SNTG1: variants seen among roughly 807,000 people sequenced by gnomAD.
The protein encoded by SNTG1 is gamma-1-syntrophin.
In SNTG1, 39 loss-of-function variants were observed where a neutral mutation model predicts 74.7. The ratio of observed to expected loss-of-function variants is 0.52; its 90% CI spans 0.40 to 0.68. The LOEUF (loss-of-function observed/expected upper bound fraction) is 0.68. SNTG1 is among the 30% of genes least tolerant of loss of function. The pLI, the probability that SNTG1 is intolerant of heterozygous loss-of-function variation, is 0.00. For synonymous variants in SNTG1, 254 were observed against 217.1 expected (o/e 1.17, Z -1.49); for missense variants, 685 against 609.5 (o/e 1.12, Z -1.30).
At chr8:50,612,911 T>C (rs1202001842) in intron 13 of SNTG1, among the ~76,000 whole-genome samples, 1 of 152,116 alleles carries the variant, frequency 6.6e-6, no homozygotes, top group Non-Finnish European at 1.5e-5. Flanking sequence ...AGCAATAATT[T>C]AGTTGCAGAG....
chr8:50,703,699 A>G (rs1056100391), intron 15 of SNTG1, among the ~76,000 whole-genome samples: 1 of 152,164 alleles, frequency 6.6e-6, no homozygotes, highest in Non-Finnish European at 1.5e-5. Flanking sequence ...CTAGACTTAC[A>G]CAGCTGTCAG....
chr8:50,681,795 C>T (rs1399226084), intron 15 of SNTG1, among the ~76,000 whole-genome samples: 1 of 152,190 alleles, frequency 6.6e-6, no homozygotes, highest in Non-Finnish European at 1.5e-5. Flanking sequence ...TCAGAGCTCT[C>T]CCTTGCATTT....
intron 1 of SNTG1, among the ~76,000 whole-genome samples, chr8:49,974,343 T>C (rs1342653118): frequency 6.6e-6 from 1 of 152,222 alleles, no homozygotes; most frequent in Non-Finnish European, 1.5e-5. Context: ...CTTCATATAT[T>C]TTATTTGCTT....
chr8:50,471,681 A>G (rs1449435266), intron 8 of SNTG1, among the ~76,000 whole-genome samples: 3 of 152,242 alleles, frequency 2.0e-5, no homozygotes, highest in Non-Finnish European at 4.4e-5. Flanking sequence ...TAGCAGGTTT[A>G]TTCATAACCA....
chr8:50,581,675 C>G (rs1394681650), intron 12 of SNTG1, among the ~76,000 whole-genome samples: 2 of 152,012 alleles, frequency 1.3e-5, no homozygotes, highest in Admixed American at 6.6e-5. Context: ...ATTTGGGATG[C>G]CACAGTGTAT....
intron 12 of SNTG1, among the ~76,000 whole-genome samples, chr8:50,558,762 T>C (rs1168231468): frequency 6.6e-6 from 1 of 152,100 alleles, no homozygotes; most frequent in Non-Finnish European, 1.5e-5. Context: ...CTATTATACC[T>C]TGGAAATATT....
intron 15 of SNTG1, among the ~76,000 whole-genome samples, chr8:50,666,995 T>C (rs2095253863): frequency 6.6e-6 from 1 of 151,946 alleles, no homozygotes; most frequent in African/African-American, 2.4e-5. Flanking sequence ...GCTTGCATTT[T>C]AATAGAAAAG....
intron 2 of SNTG1, among the ~76,000 whole-genome samples, chr8:50,271,180 T>C (rs1300269376): frequency 2.6e-5 from 4 of 152,178 alleles, no homozygotes; most frequent in Admixed American, 1.3e-4. Flanking sequence ...ATGGAAAGTG[T>C]TATTAAAAAT....
chr8:50,682,388 GAGCAGGTGACCAGAGGTGACTCAGGTCAA>G (rs1418717131), intron 15 of SNTG1, among the ~76,000 whole-genome samples: 14 of 152,042 alleles, frequency 9.2e-5, no homozygotes, highest in Admixed American at 2.6e-4. Flanking sequence ...ATTCAGGTCA[GAGCAGGTGACCAGAGGTGACTCAGGTCAA>G]AGCAGGTGAC....
At chr8:50,014,600 A>T (rs1057445689) in intron 1 of SNTG1, among the ~76,000 whole-genome samples, 6 of 152,182 alleles carry the variant, frequency 3.9e-5, no homozygotes, top group African/African-American at 1.4e-4. Flanking sequence ...AGTGAAGGCT[A>T]GTCTGTCTTG....
At chr8:50,660,257 GGAA>G (rs1303361092) in intron 15 of SNTG1, among the ~76,000 whole-genome samples, 2 of 141,874 alleles carry the variant, frequency 1.4e-5, no homozygotes, top group East Asian at 4.0e-4. Flanking sequence ...AAAGAAGGAG[GGAA>G]GGAGAGAGAG....
chr8:50,366,754 A>G (rs1174589274), intron 2 of SNTG1, among the ~76,000 whole-genome samples: 1 of 146,526 alleles, frequency 6.8e-6, no homozygotes, highest in Non-Finnish European at 1.5e-5. Context: ...TATTTTATAT[A>G]TAATATAGTA....
intron 1 of SNTG1, among the ~76,000 whole-genome samples, chr8:49,969,394 T>A (rs1193559288): frequency 5.0e-4 from 63 of 126,282 alleles, no homozygotes; most frequent in Middle Eastern, 3.8e-3. Context: ...AATCTTTTTT[T>A]TTTTTTTTTT....
At chr8:50,095,832 T>C (rs951124610) in intron 1 of SNTG1, among the ~76,000 whole-genome samples, 3 of 152,234 alleles carry the variant, frequency 2.0e-5, no homozygotes, top group African/African-American at 7.2e-5. Context: ...TTTTCTTTAC[T>C]GGTGCTTTTT....
intron 4 of SNTG1, among the ~76,000 whole-genome samples, chr8:50,432,808 T>C (rs2093253494): frequency 6.6e-6 from 1 of 152,118 alleles, no homozygotes; most frequent in African/African-American, 2.4e-5. Context: ...ATTCATTTTT[T>C]TGAGACTCTG....
chr8:50,103,739 A>T (rs1259306033), intron 1 of SNTG1, among the ~76,000 whole-genome samples: 1 of 152,200 alleles, frequency 6.6e-6, no homozygotes, highest in African/African-American at 2.4e-5. Flanking sequence ...CGTCCCATCA[A>T]TACCTAATTT....
chr8:50,055,555 G>A (rs766566447), intron 1 of SNTG1, among the ~76,000 whole-genome samples: 3 of 152,070 alleles, frequency 2.0e-5, no homozygotes, highest in Admixed American at 1.3e-4. Context: ...CTGTGTGGGC[G>A]AGTTTATTAA....
chr8:50,685,273 C>T (rs1438283272), intron 15 of SNTG1, among the ~76,000 whole-genome samples: 1 of 152,116 alleles, frequency 6.6e-6, no homozygotes, highest in Non-Finnish European at 1.5e-5. Flanking sequence ...GAGGTAAATG[C>T]TAGTGACATG....
intron 8 of SNTG1, among the ~76,000 whole-genome samples, chr8:50,451,402 A>G (rs926397335): frequency 5.9e-5 from 9 of 152,120 alleles, no homozygotes; most frequent in Non-Finnish European, 1.3e-4. Flanking sequence ...CCACAGACAG[A>G]TTACCTAGGA....
Sources: gnomAD v4.1 joint callset for allele counts (sites outside exome capture counted in the v4.1 genomes callset) on GRCh38, gnomAD v4.1.1 for gene constraint, MANE v1.5 for transcripts, NCBI Gene and HGNC (gene_info 2026-07-23, HGNC 2026-07-21) for gene names.